Variants in ZNF138 observed in about 807,000 individuals in gnomAD.
The protein encoded by ZNF138 is zinc finger protein 138 (clone pHZ-32).
In ZNF138, 33 loss-of-function variants were observed where a neutral mutation model predicts 33.0. The ratio of observed to expected loss-of-function variants is 1.00; its 90% CI spans 0.76 to 1.34. ZNF138 has a LOEUF of 1.34. Among genes scored for constraint, ZNF138 ranks in the 40% most tolerant of loss-of-function variants. The probability of loss-of-function intolerance (pLI) is 0.00; values close to 1 mark genes in which losing one functional copy is unlikely to be tolerated. For missense variants in ZNF138, 360 were observed against 370.8 expected (o/e 0.97, Z 0.24); for synonymous variants, 139 against 120.4 (o/e 1.15, Z -1.01).
the ZNF138 span, among the ~76,000 whole-genome samples, chr7:64,851,822 T>G: frequency 6.6e-6 from 1 of 152,208 alleles, no homozygotes; most frequent in African/African-American, 2.4e-5. Flanking sequence ...GTGAAGCACT[T>G]GCCGTGTTGA....
the ZNF138 span, among the ~76,000 whole-genome samples, chr7:64,847,726 C>T: frequency 3.2e-4 from 48 of 152,170 alleles, no homozygotes; most frequent in African/African-American, 1.1e-3. Flanking sequence ...CACTCCATTA[C>T]CTTAAGTTTA....
At chr7:64,822,882 AT>A (rs1277672104) in intron 3 of ZNF138, among the ~76,000 whole-genome samples, 4 of 130,330 alleles carry the variant, frequency 3.1e-5, no homozygotes, top group African/African-American at 1.1e-4. Context: ...TAATTTTTTT[AT>A]TTTTTTTTTT....
rs1248086979 is a variant in ZNF138, at chr7:64,814,932, T to C, written c.18T>C (p.Phe6=). 2 of 1,613,160 alleles carry C rather than the reference T, an allele frequency of 1.2e-6. No homozygotes were observed. Among genetic ancestry groups the C allele is most frequent in the South Asian group, 2.2e-5 (2 of 91,074 alleles). Residue 6 remains phenylalanine (F), a synonymous_variant, in exon 2 of 4, where the codon TTT becomes TTC. Transcript: ENST00000307355. ...GTGTTTTTCAGGGACCACTGACATT[T>C]ATGGATGTGGCCATAGAGTTCTCTT... The part of the protein sequence containing the change: MGPLT[F]MDVAIEFSLE...
chr7:64,815,045 G>A lies in ZNF138; in HGVS notation c.130+1G>A. The A allele has an allele frequency of 6.2e-7, 1 of 1,600,474 alleles. No homozygotes were observed. Among genetic ancestry groups the A allele is most frequent in the South Asian group, 1.1e-5 (1 of 89,200 alleles). On this transcript the variant is annotated splice_donor_variant, in intron 2 of 3. Coordinates refer to ENST00000307355, the MANE Select transcript of ZNF138 (RefSeq NM_001271639.2). LOFTEE classifies it high-confidence loss of function. ...AACTACAGAAACCTGGTTTTCTTGG[G>A]TGAGAATAACTTCAGTACACATTTC... is the stretch of plus-strand genomic sequence containing the variant.
At chr7:64,849,667 C>T in the ZNF138 span, among the ~76,000 whole-genome samples, 4 of 152,088 alleles carry the variant, frequency 2.6e-5, no homozygotes, top group African/African-American at 9.6e-5. Flanking sequence ...GAGTTATGTT[C>T]CCAAAGGATT....
intron 1 of ZNF138, among the ~76,000 whole-genome samples, chr7:64,805,995 C>T (rs1156694338): frequency 6.6e-6 from 1 of 152,236 alleles, no homozygotes; most frequent in Non-Finnish European, 1.5e-5. Flanking sequence ...GAGTGTGATG[C>T]ATGTCACATT....
downstream of ZNF138, among the ~76,000 whole-genome samples, chr7:64,837,650 G>A (rs192336393): frequency 2.0e-5 from 3 of 152,264 alleles, no homozygotes; most frequent in East Asian, 1.9e-4. Context: ...GGCTGTTGGC[G>A]CGTTCCACTT....
At chr7:64,851,290 A>C in the ZNF138 span, among the ~76,000 whole-genome samples, 1 of 152,180 alleles carries the variant, frequency 6.6e-6, no homozygotes, top group African/African-American at 2.4e-5. Context: ...TCCACTTTGT[A>C]CTTTTTTGAG....
intron 1 of ZNF138, among the ~76,000 whole-genome samples, chr7:64,806,684 GTATT>G (rs1407018843): frequency 7.2e-5 from 11 of 152,282 alleles, no homozygotes; most frequent in Admixed American, 5.2e-4. Flanking sequence ...TTTGAGCTGT[GTATT>G]TATTTCTTGA....
chr7:64,831,525 A>G lies in ZNF138; in HGVS notation c.283A>G (p.Ser95Gly), dbSNP rs1220046810. Residue 95 changes from serine to glycine, a missense_variant, in exon 4 of 4, where the codon AGC (serine) becomes GGC (glycine). Transcript: ENST00000307355. ...AGATTCTTTCCAAAAAGTGACACTG[A>G]GCAGATATGGAAAATATGGACATAA... ...IKDSFQKVTL[S>G]RYGKYGHKNL... is the part of the protein sequence containing the mutation. 2 of 1,612,746 alleles carry G rather than the reference A, an allele frequency of 1.2e-6. No homozygotes were observed. The highest frequency in any genetic ancestry group is 1.7e-6 in the Non-Finnish European group (2 of 1,179,544).
In ZNF138 at chr7:64,832,825, A is replaced by G. The variant is rs891822162; in HGVS notation, c.*623A>G. 1.1e-5 allele frequency: 5 copies of G among 450,992 alleles called. No homozygotes were observed. In the East Asian group the frequency reaches 1.8e-4, roughly 16 times the overall value. 27.9% of individuals were successfully genotyped at this position (450,992 alleles called of 1,614,324 possible). ...AAACACAAGAAGATTCATACTAGAG[A>G]GAAACCCTACAAATGTGAAGAATGT... On this transcript the variant is annotated 3_prime_UTR_variant, in exon 4 of 4. Coordinates refer to ENST00000307355, the MANE Select transcript of ZNF138 (RefSeq NM_001271639.2).
At chr7:64,814,239 C>A in intron 1 of ZNF138, 3 of 644,318 alleles carry the variant, frequency 4.7e-6, no homozygotes, top group Non-Finnish European at 6.1e-6. Flanking sequence ...TTATTGTACA[C>A]ATTAAAACTT....
At position 64,832,971 on chromosome 7, in the gene ZNF138, C is replaced by A; in HGVS notation, c.*769C>A. ...TAACTAGTTCTCGAACTTTACTATGCATAAGAAAATTCAAACTGGAGAGAA... is the reference window on the plus strand; with the variant it reads ...TAACTAGTTCTCGAACTTTACTATGAATAAGAAAATTCAAACTGGAGAGAA... On this transcript the variant is annotated 3_prime_UTR_variant, in exon 4 of 4. Coordinates refer to ENST00000307355, the MANE Select transcript of ZNF138 (RefSeq NM_001271639.2). 2.4e-6 allele frequency: 1 copy of A among 411,314 alleles called. No individual in the cohort carries two copies. Among genetic ancestry groups the A allele is most frequent in the Non-Finnish European group, 4.9e-6 (1 of 204,724 alleles). 25.5% of individuals were successfully genotyped at this position (411,314 alleles called of 1,614,324 possible). A position where few individuals can be genotyped will look rare whatever the true frequency, so the allele number is the denominator to read the frequency against.
intron 3 of ZNF138, 151 bp from the exon 4 acceptor site, chr7:64,831,300 C>A: frequency 1.1e-6 from 1 of 922,138 alleles, no homozygotes. Flanking sequence ...GTTTTTGTTA[C>A]ATTTATATGT....
chr7:64,846,702 G>GA, the ZNF138 span, among the ~76,000 whole-genome samples: 14 of 151,808 alleles, frequency 9.2e-5, no homozygotes, highest in South Asian at 2.1e-4. Context: ...ATATCATCAG[G>GA]AAAAAAAATA....
At chr7:64,809,524 C>T (rs111315151) in intron 1 of ZNF138, among the ~76,000 whole-genome samples, 126 of 338 alleles carry the variant, frequency 0.37, 59 homozygotes, top group Admixed American at 0.45. Flanking sequence ...CAGGATGGGG[C>T]GGCTGGCCGG....
Position 64,832,903 on chromosome 7 carries a change from C to T in ZNF138, c.*701C>T. On this transcript the variant is annotated 3_prime_UTR_variant, in exon 4 of 4. Transcript: ENST00000307355. ...CTTGCTATACATAAGATGATTCACA[C>T]TTGAATGAAACCCTACAAATGTGAA... 2.6e-6 allele frequency: 1 copy of T among 385,556 alleles called. No individual in the cohort carries two copies. The highest frequency in any genetic ancestry group is 2.1e-5 in the South Asian group (1 of 47,414). The allele number at this position is 385,556 out of a possible 1,614,324, so 23.9% of individuals were successfully genotyped here. A position where few individuals can be genotyped will look rare whatever the true frequency, so the allele number is the denominator to read the frequency against.
downstream of ZNF138, among the ~76,000 whole-genome samples, chr7:64,837,122 CG>C (rs1790392021): frequency 6.6e-6 from 1 of 151,980 alleles, no homozygotes; most frequent in Admixed American, 6.6e-5. Flanking sequence ...AGAATTCATG[CG>C]GTATTTGATT....
intron 3 of ZNF138, among the ~76,000 whole-genome samples, chr7:64,824,241 G>C (rs184434733): frequency 2.8e-4 from 43 of 152,192 alleles, no homozygotes; most frequent in African/African-American, 1.0e-3. Context: ...TCACATGAGA[G>C]CTGGTTCATT....
Sources: allele counts gnomAD v4.1 joint callset (sites outside exome capture counted in the v4.1 genomes callset), GRCh38; gene constraint gnomAD v4.1.1; transcripts MANE v1.5; gene names NCBI Gene and HGNC (gene_info 2026-07-23, HGNC 2026-07-21).